Variants in DOCK9 observed in about 807,000 individuals in gnomAD.
DOCK9 encodes dedicator of cytokinesis protein 9.
Under a neutral mutation model 263.3 loss-of-function variants are expected in DOCK9, and 89 were observed. That is an observed-to-expected ratio of 0.34 (90% confidence interval 0.28 to 0.40). The LOEUF is 0.40. Ranked by LOEUF, DOCK9 falls within the 10% of genes least tolerant of loss-of-function variation. DOCK9 has a pLI of 1.00. For missense variants in DOCK9, 2,140 were observed against 2,603.4 expected (o/e 0.82, Z 3.87); for synonymous variants, 976 against 973.1 (o/e 1.00, Z -0.06).
chr13:98,944,434 A>G (rs1355309576), intron 2 of DOCK9, among the ~76,000 whole-genome samples: 1 of 151,982 alleles, frequency 6.6e-6, no homozygotes, highest in Non-Finnish European at 1.5e-5. Flanking sequence ...GGAAAAAAAA[A>G]ATAAAGAAAA....
intron 49 of DOCK9, among the ~76,000 whole-genome samples, chr13:98,803,548 C>T (rs1221660594): frequency 6.6e-6 from 1 of 152,140 alleles, no homozygotes; most frequent in Non-Finnish European, 1.5e-5. Flanking sequence ...CTAACAAGTT[C>T]CCTGGGGGTG....
chr13:99,087,873 G>C (rs1376525831), upstream of DOCK9: 1 of 152,284 alleles, frequency 6.6e-6, no homozygotes, highest in Non-Finnish European at 1.5e-5. Flanking sequence ...TGGTGGTCTT[G>C]AAAACCCAGT....
At chr13:99,013,508 A>T (rs1884876709) in intron 1 of DOCK9, among the ~76,000 whole-genome samples, 1 of 152,240 alleles carries the variant, frequency 6.6e-6, no homozygotes, top group African/African-American at 2.4e-5. Context: ...TTCTGGACAA[A>T]GAATACGTCA....
chr13:98,955,573 A>C, intron 1 of DOCK9, 22 bp from the exon 2 acceptor site: 2 of 1,503,282 alleles, frequency 1.3e-6, no homozygotes, highest in Non-Finnish European at 9.1e-7. Flanking sequence ...AAAGATAAGC[A>C]AGACATTCTC....
chr13:99,046,858 G>A (rs2142171588), intron 1 of DOCK9, among the ~76,000 whole-genome samples: 1 of 152,298 alleles, frequency 6.6e-6, no homozygotes, highest in Middle Eastern at 3.4e-3. Context: ...TGCGTTTAAG[G>A]TACAAAGTGT....
chr13:98,851,302 A>G (rs1361068397), intron 35 of DOCK9, among the ~76,000 whole-genome samples: 4 of 152,236 alleles, frequency 2.6e-5, no homozygotes, highest in African/African-American at 9.6e-5. Context: ...CGCTTGGCCT[A>G]TTAGACCAGT....
intron 1 of DOCK9, among the ~76,000 whole-genome samples, chr13:99,062,316 T>C (rs996943557): frequency 4.6e-5 from 7 of 152,226 alleles, no homozygotes; most frequent in Non-Finnish European, 7.4e-5. Flanking sequence ...AAAGTTTACA[T>C]TTACTTTTAC....
chr13:98,997,835 T>C (rs1184559342), intron 1 of DOCK9, among the ~76,000 whole-genome samples: 3 of 152,228 alleles, frequency 2.0e-5, no homozygotes, highest in Non-Finnish European at 4.4e-5. Flanking sequence ...CTGAGAAGCA[T>C]GCTGCTTTCC....
intron 30 of DOCK9, chr13:98,867,215 G>T (rs943208092): frequency 1.7e-6 from 1 of 575,850 alleles, no homozygotes; most frequent in African/African-American, 1.9e-5. Flanking sequence ...TAGCCATACT[G>T]GCATGATCTG....
At chr13:98,848,530 A>G in intron 37 of DOCK9, 62 bp downstream of exon 37, 2 of 1,553,016 alleles carry the variant, frequency 1.3e-6, no homozygotes, top group Non-Finnish European at 1.8e-6. Flanking sequence ...GACCAATCCC[A>G]CACAATCAGA....
chr13:98,796,130 G>C (rs377419242), intron 52 of DOCK9: 6 of 1,148,180 alleles, frequency 5.2e-6, no homozygotes, highest in Non-Finnish European at 6.4e-6. Context: ...AATGTCTGTA[G>C]TTGCTCAAAC....
At chr13:98,946,172 G>C (rs2056678193) in intron 2 of DOCK9, among the ~76,000 whole-genome samples, 1 of 152,172 alleles carries the variant, frequency 6.6e-6, no homozygotes, top group Non-Finnish European at 1.5e-5. Flanking sequence ...TAAGGCCTTT[G>C]CTGGGGGATT....
At chr13:98,992,699 T>C (rs988268750) in intron 1 of DOCK9, among the ~76,000 whole-genome samples, 7 of 152,196 alleles carry the variant, frequency 4.6e-5, no homozygotes, top group Non-Finnish European at 7.3e-5. Flanking sequence ...CCACCATGAT[T>C]GTGAGGCTTC....
chr13:98,888,091 T>C (rs2046065888), intron 18 of DOCK9, 67 bp downstream of exon 18: 1 of 1,111,542 alleles, frequency 9.0e-7, no homozygotes, highest in South Asian at 1.4e-5. Context: ...TACGGTATCA[T>C]GAAAGTGCAT....
chr13:99,061,298 C>A (rs1364748326), intron 1 of DOCK9, among the ~76,000 whole-genome samples: 1 of 151,980 alleles, frequency 6.6e-6, no homozygotes, highest in African/African-American at 2.4e-5. Flanking sequence ...TCTCCTCCCC[C>A]AAAAAAACAT....
chr13:98,860,596 G>A (rs2093834373), intron 32 of DOCK9, 74 bp from the exon 33 acceptor site: 3 of 1,425,562 alleles, frequency 2.1e-6, no homozygotes, highest in Non-Finnish European at 2.8e-6. Flanking sequence ...GGAAGTGCCA[G>A]GGCAAGTGCA....
At chr13:98,807,545 G>T in intron 48 of DOCK9, 116 bp downstream of exon 48, 2 of 981,904 alleles carry the variant, frequency 2.0e-6, no homozygotes, top group Non-Finnish European at 2.7e-6. Flanking sequence ...TGCCACTCAC[G>T]GCCAACAATC....
At chr13:98,856,320 A>G (rs1305730860) in intron 33 of DOCK9, 3 of 235,942 alleles carry the variant, frequency 1.3e-5, no homozygotes, top group Non-Finnish European at 2.5e-5. Context: ...TAGAATGAAG[A>G]CTTAAAAAAA....
At chr13:99,085,099 A>G (rs549366011) in intron 1 of DOCK9, among the ~76,000 whole-genome samples, 170 of 152,380 alleles carry the variant, frequency 1.1e-3, no homozygotes, top group African/African-American at 4.0e-3. Flanking sequence ...TTCATCTCCA[A>G]TCTCCACAAA....
Sources: gnomAD v4.1 joint callset for allele counts (sites outside exome capture counted in the v4.1 genomes callset) on GRCh38, gnomAD v4.1.1 for gene constraint, MANE v1.5 for transcripts, NCBI Gene and HGNC (gene_info 2026-07-23, HGNC 2026-07-21) for gene names.